RHOBTB1: variants seen among roughly 807,000 people sequenced by gnomAD.
RHOBTB1 encodes the protein rho-related BTB domain-containing protein 1.
In RHOBTB1, 40 loss-of-function variants were observed where a neutral mutation model predicts 71.6. The ratio of observed to expected loss-of-function variants is 0.56; its 90% CI spans 0.43 to 0.73. The LOEUF is 0.73. RHOBTB1 is among the 30% of genes least tolerant of loss of function. The pLI, the probability that RHOBTB1 is intolerant of heterozygous loss-of-function variation, is 0.00. For synonymous variants in RHOBTB1, 319 were observed against 334.9 expected, an observed-to-expected ratio of 0.95 and a Z score of 0.52; for missense variants, 797 against 894.0, an observed-to-expected ratio of 0.89 and a Z score of 1.38.
chr10:60,925,919 A>G (rs2083854017), intron 2 of RHOBTB1, among the ~76,000 whole-genome samples: 1 of 152,180 alleles, frequency 6.6e-6, no homozygotes, highest in Non-Finnish European at 1.5e-5. Context: ...AGTAATAAAA[A>G]GTCTCCCATC....
At chr10:61,001,154 A>G (rs2087252978) in intron 1 of RHOBTB1, among the ~76,000 whole-genome samples, 1 of 151,940 alleles carries the variant, frequency 6.6e-6, no homozygotes, top group Admixed American at 6.6e-5. Context: ...TCTGGAAGCA[A>G]GCACCCTCTG....
At chr10:60,925,108 A>G (rs528345102) in intron 2 of RHOBTB1, among the ~76,000 whole-genome samples, 91 of 151,922 alleles carry the variant, frequency 6.0e-4, no homozygotes, top group Non-Finnish European at 1.1e-3. Context: ...CTCTCTCCCT[A>G]TTGCTCCTCC....
Position 60,878,007 on chromosome 10 carries a change from G to C in RHOBTB1, c.1627C>G (p.Leu543Val). Residue 543 changes from leucine (L) to valine (V), a missense_variant, in exon 8 of 11, where the codon CTC (leucine) becomes GTC (valine). By Grantham distance (32) the Leu-to-Val change is conservative (BLOSUM62 1). Transcript: ENST00000337910. ...KISMQAVLDYLYTKQLSPNLD... is the reference protein window; with the variant it reads ...KISMQAVLDYVYTKQLSPNLD... The stretch of plus-strand genomic sequence containing the variant: ...TTAGGAGACAACTGCTTGGTATAGA[G>C]ATAATCCAATACTGCTTGCATTGAT... 1 of 1,613,338 alleles carries C rather than the reference G, an allele frequency of 6.2e-7. No homozygotes were observed. The highest frequency in any genetic ancestry group is 8.5e-7 in the Non-Finnish European group (1 of 1,179,318).
At chr10:60,866,694 A>C (rs757599608), downstream of RHOBTB1, among the ~76,000 whole-genome samples, 9 of 152,236 alleles carry the variant, frequency 5.9e-5, no homozygotes, top group East Asian at 1.2e-3. Context: ...AATAGAAAAC[A>C]TGGAGGCCCT....
At chr10:60,867,342 C>T (rs576597557), downstream of RHOBTB1, among the ~76,000 whole-genome samples, 1 of 152,296 alleles carries the variant, frequency 6.6e-6, no homozygotes, top group Middle Eastern at 3.4e-3. Context: ...CAAGTTCTGT[C>T]CTCATCGATT....
chr10:60,902,215 A>G (rs950804791), intron 4 of RHOBTB1, among the ~76,000 whole-genome samples: 28 of 152,332 alleles, frequency 1.8e-4, no homozygotes, highest in African/African-American at 6.7e-4. Context: ...TCTGTGCGCC[A>G]GATGATTCAG....
chr10:60,881,565 G>C (rs1353184881), intron 7 of RHOBTB1, among the ~76,000 whole-genome samples: 1 of 152,166 alleles, frequency 6.6e-6, no homozygotes, highest in East Asian at 1.9e-4. Flanking sequence ...TCACTAAAAT[G>C]CTGTGTGACC....
chr10:60,924,967 T>C lies in RHOBTB1; in HGVS notation c.-10-13415A>G, dbSNP rs377099228. 7.9e-5 allele frequency among the ~76,000 whole-genome samples: 12 copies of C among 152,326 alleles called. 1 individual carries two copies. Among genetic ancestry groups the C allele is most frequent in the Admixed American group, 2.6e-4 (4 of 15,304 alleles). On this transcript the variant is annotated intron_variant, in intron 2 of 10. Coordinates refer to ENST00000337910, the MANE Select transcript of RHOBTB1 (RefSeq NM_014836.5). ...GTTAGAGTTGGGGCTTGGTGGCAAG[T>C]GTTTAGATGACGGGGATAGATCACT... is the stretch of plus-strand genomic sequence containing the variant.
intron 2 of RHOBTB1, among the ~76,000 whole-genome samples, chr10:60,966,000 T>C (rs1259813199): frequency 6.6e-6 from 1 of 152,122 alleles, no homozygotes; most frequent in Non-Finnish European, 1.5e-5. Context: ...AAATATATAA[T>C]TTTAAAAACT....
chr10:60,888,749 T>A lies in RHOBTB1; in HGVS notation c.919A>T (p.Ser307Cys). 6.2e-7 allele frequency: 1 copy of A among 1,614,158 alleles called. No individual in the cohort carries two copies. The highest frequency in any genetic ancestry group is 8.5e-7 in the Non-Finnish European group (1 of 1,180,020). ...TTCTCTTTCTCACAGGCTCCTTCACTCCCATTTGGGGATTCTTCACATTCC... is the reference window on the plus strand; with the variant it reads ...TTCTCTTTCTCACAGGCTCCTTCACACCCATTTGGGGATTCTTCACATTCC... ...LMECEESPNGSEGACEKEKQS... is the reference protein window; with the variant it reads ...LMECEESPNGCEGACEKEKQS... The change falls in exon 6 of 11, where the codon AGT (serine) becomes TGT (cysteine). Residue 307 changes from serine to cysteine, a missense_variant. By Grantham distance (112) the Ser-to-Cys change is moderately radical (BLOSUM62 -1). Around this residue, in one of 2 missense-constraint regions of RHOBTB1, gnomAD observed 658 missense variants for 681.5 expected, o/e 0.97. Coordinates refer to ENST00000337910, the MANE Select transcript of RHOBTB1 (RefSeq NM_014836.5).
rs200229353 is a variant in RHOBTB1, at chr10:60,911,569, A to G, written c.-10-17T>C. On this transcript the variant is annotated splice_polypyrimidine_tract_variant and intron_variant, in intron 2 of 10. Coordinates refer to ENST00000337910, the MANE Select transcript of RHOBTB1 (RefSeq NM_014836.5). Reference sequence around the variant, plus strand: ...TATGAAACTCTGTAAGAAGAGAGTGAACACCACAGTAAGGACACCAAGGCT... The same window carrying G: ...TATGAAACTCTGTAAGAAGAGAGTGGACACCACAGTAAGGACACCAAGGCT... 1.9e-6 allele frequency: 3 copies of G among 1,599,356 alleles called. No individual in the cohort carries two copies. Among genetic ancestry groups the G allele is most frequent in the East Asian group, 2.2e-5 (1 of 44,768 alleles).
At chr10:60,968,682 A>G (rs2086054288) in intron 2 of RHOBTB1, among the ~76,000 whole-genome samples, 1 of 152,178 alleles carries the variant, frequency 6.6e-6, no homozygotes, top group Non-Finnish European at 1.5e-5. Flanking sequence ...CAAATAAACC[A>G]TTTTGAGACT....
Position 60,888,960 on chromosome 10 carries a change from T to C in RHOBTB1, c.708A>G (p.Pro236=). ...TTTTGATGACCGGTGGAGGGGCTTTTGGAGGTAGGAAGGGTGCCTGAAGTA... is the reference window on the plus strand; with the variant it reads ...TTTTGATGACCGGTGGAGGGGCTTTCGGAGGTAGGAAGGGTGCCTGAAGTA... ...KPLLQAPFLP[P]KAPPPVIKIP... is the part of the protein sequence containing the mutation. The change falls in exon 6 of 11, where the codon CCA becomes CCG. Residue 236 remains proline, a synonymous_variant. Coordinates refer to ENST00000337910, the MANE Select transcript of RHOBTB1 (RefSeq NM_014836.5). 1.2e-6 allele frequency: 2 copies of C among 1,614,154 alleles called. No individual in the cohort carries two copies. Among genetic ancestry groups the C allele is most frequent in the Non-Finnish European group, 1.7e-6 (2 of 1,180,008 alleles).
intron 2 of RHOBTB1, among the ~76,000 whole-genome samples, chr10:60,925,156 C>T (rs1001685503): frequency 1.3e-5 from 2 of 152,204 alleles, no homozygotes; most frequent in Admixed American, 6.5e-5. Flanking sequence ...TCTTACCTTC[C>T]ACCATGATTA....
chr10:60,993,924 A>G (rs984500924), intron 1 of RHOBTB1, among the ~76,000 whole-genome samples: 4 of 152,092 alleles, frequency 2.6e-5, no homozygotes, highest in South Asian at 2.1e-4. Context: ...GATTTTCTTA[A>G]TATTTGTATA....
At chr10:60,970,019 G>T (rs935426458) in intron 2 of RHOBTB1, among the ~76,000 whole-genome samples, 1 of 151,994 alleles carries the variant, frequency 6.6e-6, no homozygotes, top group Admixed American at 6.6e-5. Context: ...CACATAGAAG[G>T]CCAACTGGGT....
chr10:60,867,935 G>A (rs564013685), downstream of RHOBTB1, among the ~76,000 whole-genome samples: 8 of 152,210 alleles, frequency 5.3e-5, no homozygotes, highest in South Asian at 1.0e-3. Context: ...AAATTAAGTC[G>A]AGGGATATGC....
At chr10:60,936,284 T>C (rs750039332) in intron 2 of RHOBTB1, among the ~76,000 whole-genome samples, 21 of 152,216 alleles carry the variant, frequency 1.4e-4, no homozygotes, top group Non-Finnish European at 2.8e-4. Flanking sequence ...ATAGAAGAGT[T>C]CTGCAAAAAA....
chr10:60,904,578 C>A (rs957465809), intron 4 of RHOBTB1, among the ~76,000 whole-genome samples: 1 of 152,158 alleles, frequency 6.6e-6, no homozygotes, highest in Non-Finnish European at 1.5e-5. Flanking sequence ...CTCTAATCGT[C>A]AAAAATTCTT....
Sources: allele counts gnomAD v4.1 joint callset (sites outside exome capture counted in the v4.1 genomes callset), GRCh38; gene constraint gnomAD v4.1.1; regional missense constraint gnomAD v4.1.1; transcripts MANE v1.5; gene names NCBI Gene and HGNC (gene_info 2026-07-23, HGNC 2026-07-21).